Variants in RPS6KA5 observed in about 807,000 individuals in gnomAD.
RPS6KA5 encodes ribosomal protein S6 kinase A5.
Under a neutral mutation model 85.5 loss-of-function variants are expected in RPS6KA5, and 27 were observed. The observed-to-expected ratio is 0.32, with a 90% CI of 0.23 to 0.44. The LOEUF is 0.44. RPS6KA5 is among the 20% of genes least tolerant of loss of function. RPS6KA5 has a pLI of 1.00. For missense variants in RPS6KA5, 811 were observed against 980.9 expected (o/e 0.83, Z 2.31); for synonymous variants, 334 against 348.2 (o/e 0.96, Z 0.46).
chr14:91,011,304 G>A (rs1035745151), intron 1 of RPS6KA5, among the ~76,000 whole-genome samples: 2 of 152,020 alleles, frequency 1.3e-5, no homozygotes, highest in African/African-American at 2.4e-5. Context: ...TGGCCAACAT[G>A]GTGAAACCCC....
At chr14:90,887,945 CAAAAAAAAAAAAA>C (rs34947711) in intron 14 of RPS6KA5, among the ~76,000 whole-genome samples, 3 of 42,768 alleles carry the variant, frequency 7.0e-5, no homozygotes, top group South Asian at 1.4e-3. Context: ...GAGGCTATCG[CAAAAAAAAAAAAA>C]AAAAAAAAAA....
In RPS6KA5 at chr14:90,860,771, T is replaced by C. The variant is rs996859880; in HGVS notation, c.*11303A>G. The C allele has an allele frequency of 1.3e-5, 2 of 150,916 alleles. No homozygotes were observed. Among genetic ancestry groups the C allele is most frequent in the African/African-American group, 2.4e-5 (1 of 40,974 alleles). The allele number at this position is 150,916 out of a possible 1,614,324, so 9.3% of individuals were successfully genotyped here. On this transcript the variant is annotated 3_prime_UTR_variant, in exon 17 of 17. Coordinates refer to ENST00000614987, the MANE Select transcript of RPS6KA5 (RefSeq NM_004755.4). ...GTCAGAAGACTGGCACTAAAATAAATACTAAAGAGAATTCTCCAGATGAAG... is the reference window on the plus strand; with the variant it reads ...GTCAGAAGACTGGCACTAAAATAAACACTAAAGAGAATTCTCCAGATGAAG...
intron 4 of RPS6KA5, among the ~76,000 whole-genome samples, chr14:90,945,507 G>GT (rs1294860451): frequency 1.3e-5 from 2 of 152,184 alleles, no homozygotes; most frequent in Non-Finnish European, 2.9e-5. Context: ...GCCTCTTCCT[G>GT]TGAAACTCAA....
intron 1 of RPS6KA5, among the ~76,000 whole-genome samples, chr14:91,006,403 G>A (rs1416716927): frequency 2.6e-5 from 4 of 152,194 alleles, no homozygotes; most frequent in Non-Finnish European, 4.4e-5. Context: ...TCTCCAAAGT[G>A]ATGGTATTTA....
intron 7 of RPS6KA5, among the ~76,000 whole-genome samples, chr14:90,912,302 T>C (rs557400742): frequency 3.3e-5 from 5 of 152,146 alleles, no homozygotes; most frequent in South Asian, 2.1e-4. Flanking sequence ...TTCCCTGCAG[T>C]CCGTGGGCCA....
intron 1 of RPS6KA5, among the ~76,000 whole-genome samples, chr14:91,039,393 A>G (rs2042520143): frequency 6.6e-6 from 1 of 152,210 alleles, no homozygotes; most frequent in Non-Finnish European, 1.5e-5. Context: ...AGTGAAATCG[A>G]GAATAAAGAA....
At chr14:91,009,840 G>A (rs933202838) in intron 1 of RPS6KA5, among the ~76,000 whole-genome samples, 11 of 152,102 alleles carry the variant, frequency 7.2e-5, no homozygotes, top group African/African-American at 1.7e-4. Flanking sequence ...AGAGACCACA[G>A]GAAAGGAAAG....
Position 90,853,248 on chromosome 14 carries a change from T to C in RPS6KA5, c.*18826A>G, listed in dbSNP as rs779493306. On this transcript the variant is annotated 3_prime_UTR_variant, in exon 17 of 17. Coordinates refer to ENST00000614987, the MANE Select transcript of RPS6KA5 (RefSeq NM_004755.4). Reference sequence around the variant, plus strand: ...ATAAGGGATGAAGATGTCATAATGATATTTTCCACTGTAGAAACTTCTTAG... The same window carrying C: ...ATAAGGGATGAAGATGTCATAATGACATTTTCCACTGTAGAAACTTCTTAG... The C allele has an allele frequency of 6.6e-6, 1 of 152,160 alleles. No homozygotes were observed. The highest frequency in any genetic ancestry group is 1.5e-5 in the Non-Finnish European group (1 of 68,034). 9.4% of individuals were successfully genotyped at this position (152,160 alleles called of 1,614,324 possible).
In RPS6KA5 at chr14:90,993,062, G is replaced by C. The variant is rs573138469; in HGVS notation, c.175+8026C>G. 1.1e-4 allele frequency among the ~76,000 whole-genome samples: 16 copies of C among 152,070 alleles called. No homozygotes were observed. The East Asian group carries it at 2.9e-3, about 28-fold the overall frequency. On this transcript the variant is annotated intron_variant, in intron 2 of 16. Transcript: ENST00000614987. Reference sequence around the variant, plus strand: ...TTTTGCATCTCGGAAAATTCTCCAGGGATTATTTTCCTTCTTCCTAAAACT... The same window carrying C: ...TTTTGCATCTCGGAAAATTCTCCAGCGATTATTTTCCTTCTTCCTAAAACT...
At chr14:90,980,693 T>C (rs966831898) in intron 2 of RPS6KA5, among the ~76,000 whole-genome samples, 1 of 152,246 alleles carries the variant, frequency 6.6e-6, no homozygotes, top group Admixed American at 6.5e-5. Flanking sequence ...CAGTCTTACC[T>C]GTGGTCTACC....
intron 1 of RPS6KA5, among the ~76,000 whole-genome samples, chr14:91,011,471 T>G (rs1310027768): frequency 6.6e-6 from 1 of 151,590 alleles, no homozygotes; most frequent in Non-Finnish European, 1.5e-5. Flanking sequence ...GAAGACAGAG[T>G]AAAACTCTGT....
In RPS6KA5 at chr14:90,860,889, ATTTT is replaced by A. The variant is rs565344552; in HGVS notation, c.*11181_*11184del. On this transcript the variant is annotated 3_prime_UTR_variant, in exon 17 of 17. Coordinates refer to ENST00000614987, the MANE Select transcript of RPS6KA5 (RefSeq NM_004755.4). The stretch of plus-strand genomic sequence containing the variant: ...TGAGCAAACAAACAATATAGAGTCT[ATTTT>A]TTTTTTTTTTTTTTTGAGATGGAGT... The A allele has an allele frequency of 4.7e-5, 6 of 127,596 alleles. No homozygotes were observed. The highest frequency in any genetic ancestry group is 5.0e-5 in the Non-Finnish European group (3 of 60,216). 7.9% of individuals were successfully genotyped at this position (127,596 alleles called of 1,614,324 possible).
At chr14:91,052,552 C>T (rs191198514) in intron 1 of RPS6KA5, 8 of 199,490 alleles carry the variant, frequency 4.0e-5, no homozygotes, top group Admixed American at 3.4e-4. Context: ...TAGGCAAGCG[C>T]GGTGGCTCAA....
At chr14:91,022,781 A>G (rs2041835894) in intron 1 of RPS6KA5, among the ~76,000 whole-genome samples, 2 of 152,168 alleles carry the variant, frequency 1.3e-5, no homozygotes, top group Non-Finnish European at 2.9e-5. Context: ...TATATTCAAT[A>G]TAATTTAAGA....
intron 13 of RPS6KA5, among the ~76,000 whole-genome samples, chr14:90,891,776 G>C (rs1317210756): frequency 6.6e-6 from 1 of 152,140 alleles, no homozygotes; most frequent in Non-Finnish European, 1.5e-5. Context: ...GTTTAATCTT[G>C]AATTTGTGAC....
rs568478865 is a variant in RPS6KA5 at position 91,039,808 on chromosome 14, G to A, written c.103+20524C>T. ...AAGGATGAGGTTGCGCACCACAGGT[G>A]TCAAATACAGTACCCATCACATAGG... On this transcript the variant is annotated intron_variant, in intron 1 of 16. Coordinates refer to ENST00000614987, the MANE Select transcript of RPS6KA5 (RefSeq NM_004755.4). 3.3e-4 allele frequency among the ~76,000 whole-genome samples: 51 copies of A among 152,306 alleles called. No individual in the cohort carries two copies. The South Asian group carries it at 4.8e-3, about 14-fold the overall frequency.
chr14:90,885,484 C>T (rs1346853768), intron 14 of RPS6KA5, among the ~76,000 whole-genome samples: 4 of 121,986 alleles, frequency 3.3e-5, no homozygotes, highest in East Asian at 2.7e-4. Context: ...ACCCGGGAGG[C>T]GGAGCTTGCA....
chr14:90,894,627 A>G (rs753696050), intron 12 of RPS6KA5, 44 bp from the exon 13 acceptor site: 1 of 1,598,512 alleles, frequency 6.3e-7, no homozygotes, highest in South Asian at 1.1e-5. Flanking sequence ...CCTGAAGCAC[A>G]GAAGTCTATT....
At chr14:90,902,498 T>G (rs1291246283) in intron 9 of RPS6KA5, among the ~76,000 whole-genome samples, 2 of 152,084 alleles carry the variant, frequency 1.3e-5, no homozygotes. Context: ...AAATAAAAAT[T>G]TTTAAATATG....
Sources: allele counts gnomAD v4.1 joint callset (sites outside exome capture counted in the v4.1 genomes callset), GRCh38; gene constraint gnomAD v4.1.1; transcripts MANE v1.5; gene names NCBI Gene and HGNC (gene_info 2026-07-23, HGNC 2026-07-21).